Variants in CSMD1 observed in about 807,000 individuals in gnomAD.
CSMD1 encodes the protein CUB and sushi domain-containing protein 1.
A neutral mutation model predicts 417.5 loss-of-function variants in CSMD1; 213 were observed. The observed-to-expected ratio is 0.51, with a 90% confidence interval of 0.46 to 0.57. The LOEUF is 0.57. CSMD1 is among the 20% of genes least tolerant of loss of function. The pLI is 0.00. For missense variants in CSMD1, 6,923 were observed against 4,529.7 expected (o/e 1.53, Z -15.17); for synonymous variants, 2,862 against 1,736.8 (o/e 1.65, Z -16.11).
chr8:3,445,413 C>T (rs1331882966), intron 12 of CSMD1, among the ~76,000 whole-genome samples: 1 of 152,142 alleles, frequency 6.6e-6, no homozygotes, highest in Non-Finnish European at 1.5e-5. Context: ...ACTGTGCCTA[C>T]TTGCAGATAG....
intron 1 of CSMD1, among the ~76,000 whole-genome samples, chr8:4,932,953 A>G (rs1453195288): frequency 6.6e-6 from 1 of 152,194 alleles, no homozygotes; most frequent in Non-Finnish European, 1.5e-5. Context: ...ACATGTATCT[A>G]GCCAAAATGC....
intron 12 of CSMD1, among the ~76,000 whole-genome samples, chr8:3,458,386 C>A (rs73174849): frequency 9.7e-4 from 148 of 152,090 alleles, no homozygotes; most frequent in Non-Finnish European, 6.2e-4. Flanking sequence ...CAATATAACT[C>A]AGAAAAAAAT....
intron 1 of CSMD1, among the ~76,000 whole-genome samples, chr8:4,660,219 A>G (rs1585408142): frequency 6.6e-6 from 1 of 152,144 alleles, no homozygotes; most frequent in African/African-American, 2.4e-5. Context: ...AGAAAACCCC[A>G]AGGAATCTAC....
chr8:4,321,421 A>C (rs1380798733), intron 3 of CSMD1, among the ~76,000 whole-genome samples: 1 of 152,120 alleles, frequency 6.6e-6, no homozygotes, highest in African/African-American at 2.4e-5. Flanking sequence ...TGCTGCTCCC[A>C]CTTATTGACT....
At chr8:4,942,457 G>C (rs550736478) in intron 1 of CSMD1, among the ~76,000 whole-genome samples, 1 of 152,104 alleles carries the variant, frequency 6.6e-6, no homozygotes, top group Non-Finnish European at 1.5e-5. Context: ...TCATGACAAA[G>C]ACAGTTTTCA....
rs781558472 is a variant in CSMD1 at position 4,946,895 on chromosome 8, T to C, written c.85+47437A>G. ...GCCATGATTTAATAATCAGAAAATA[T>C]ATGTTTCTTTTAGAAAGACAGAGCA... On this transcript the variant is annotated intron_variant, in intron 1 of 69. Transcript: ENST00000635120. Among the ~76,000 whole-genome samples the C allele has an allele frequency of 3.7e-4, 57 of 152,212 alleles. 1 individual carries two copies. The highest frequency in any genetic ancestry group is 7.2e-5 in the African/African-American group (3 of 41,462).
At chr8:4,385,652 C>T (rs1010028762) in intron 3 of CSMD1, among the ~76,000 whole-genome samples, 4 of 152,198 alleles carry the variant, frequency 2.6e-5, no homozygotes, top group African/African-American at 9.6e-5. Flanking sequence ...CAATTGGCAT[C>T]ATCCTGTAGG....
intron 5 of CSMD1, among the ~76,000 whole-genome samples, chr8:3,976,300 A>AT (rs112062241): frequency 6.6e-6 from 1 of 152,096 alleles, no homozygotes. Context: ...TATACTTATC[A>AT]TTTTTTTCTC....
At chr8:4,188,152 G>T (rs188732227) in intron 3 of CSMD1, among the ~76,000 whole-genome samples, 1 of 152,070 alleles carries the variant, frequency 6.6e-6, no homozygotes, top group South Asian at 2.1e-4. Context: ...ACATCCTAAC[G>T]TATTTAAATT....
chr8:4,182,419 C>A (rs898652229), intron 3 of CSMD1, among the ~76,000 whole-genome samples: 1 of 152,120 alleles, frequency 6.6e-6, no homozygotes, highest in South Asian at 2.1e-4. Context: ...GCTGAACCTG[C>A]CCAGCCCACT....
intron 1 of CSMD1, among the ~76,000 whole-genome samples, chr8:4,733,129 C>T (rs1397424927): frequency 3.9e-5 from 6 of 152,176 alleles, no homozygotes; most frequent in South Asian, 2.1e-4. Context: ...CCATTCATTC[C>T]TTCATTTCCT....
intron 2 of CSMD1, among the ~76,000 whole-genome samples, chr8:4,457,519 A>G (rs1472927008): frequency 6.6e-6 from 1 of 152,154 alleles, no homozygotes; most frequent in Non-Finnish European, 1.5e-5. Flanking sequence ...GGACATACCC[A>G]TGTAATTAAG....
intron 47 of CSMD1, among the ~76,000 whole-genome samples, chr8:3,094,690 C>G (rs1264015431): frequency 6.6e-6 from 1 of 151,450 alleles, no homozygotes; most frequent in Non-Finnish European, 1.5e-5. Flanking sequence ...TATGGGATAT[C>G]CACTACTTAA....
intron 68 of CSMD1, among the ~76,000 whole-genome samples, chr8:2,943,559 G>A (rs984373114): frequency 2.6e-5 from 4 of 152,178 alleles, no homozygotes; most frequent in African/African-American, 9.7e-5. Context: ...TAGAAAGGAA[G>A]GCAAATGTGA....
chr8:4,880,789 T>C (rs551969814), intron 1 of CSMD1, among the ~76,000 whole-genome samples: 1 of 152,278 alleles, frequency 6.6e-6, no homozygotes, highest in South Asian at 2.1e-4. Flanking sequence ...TTGTGCATTT[T>C]CTTCCTGCAC....
chr8:4,213,663 G>C (rs1409953825), intron 3 of CSMD1, among the ~76,000 whole-genome samples: 2 of 152,236 alleles, frequency 1.3e-5, no homozygotes, highest in African/African-American at 4.8e-5. Context: ...CTCAGCAACT[G>C]AGATGAAAGC....
intron 49 of CSMD1, among the ~76,000 whole-genome samples, chr8:3,063,741 A>G (rs559717504): frequency 1.3e-5 from 2 of 152,268 alleles, no homozygotes; most frequent in Admixed American, 6.5e-5. Flanking sequence ...GACAAATACT[A>G]TGTGATTCTA....
chr8:3,337,771 G>T (rs1339883405), intron 23 of CSMD1, among the ~76,000 whole-genome samples: 4 of 152,178 alleles, frequency 2.6e-5, no homozygotes, highest in Non-Finnish European at 1.5e-5. Flanking sequence ...GAGAAAGTCA[G>T]CCTATAGGGA....
At chr8:3,962,405 A>G (rs73658508) in intron 5 of CSMD1, among the ~76,000 whole-genome samples, 2,543 of 152,264 alleles carry the variant, frequency 0.017, 82 homozygotes, top group African/African-American at 0.058. Flanking sequence ...GCAGTCCTGA[A>G]TTCAAGGTCT....
Sources: gnomAD v4.1 joint callset for allele counts (sites outside exome capture counted in the v4.1 genomes callset) on GRCh38, gnomAD v4.1.1 for gene constraint, MANE v1.5 for transcripts, NCBI Gene and HGNC (gene_info 2026-07-23, HGNC 2026-07-21) for gene names.